Variants in ARHGAP10 observed in about 807,000 individuals in gnomAD.
The protein encoded by ARHGAP10 is Rho GTPase activating protein 10, also known as rho GTPase-activating protein 10.
In ARHGAP10, 87 loss-of-function variants were observed where a neutral mutation model predicts 108.6. The ratio of observed to expected loss-of-function variants is 0.80; its 90% CI spans 0.67 to 0.96. The LOEUF (loss-of-function observed/expected upper bound fraction) is 0.96. ARHGAP10 is among the 40% of genes least tolerant of loss of function. The pLI, the probability that ARHGAP10 is intolerant of heterozygous loss-of-function variation, is 0.00. For synonymous variants in ARHGAP10, 347 were observed against 341.1 expected, an observed-to-expected ratio of 1.02 and a Z score of -0.19; for missense variants, 939 against 954.5, an observed-to-expected ratio of 0.98 and a Z score of 0.21.
Position 147,847,138 on chromosome 4 carries a change from T to A in ARHGAP10, c.313-13T>A. The A allele has an allele frequency of 6.2e-7, 1 of 1,607,728 alleles. No individual in the cohort carries two copies. The highest frequency in any genetic ancestry group is 8.5e-7 in the Non-Finnish European group (1 of 1,174,948). ...TAATGCTGTGCTCTTTTGTTATCAC[T>A]CTTGTTCTCTAGGCATTAAGTGTAA... On this transcript the variant is annotated splice_polypyrimidine_tract_variant and intron_variant, in intron 3 of 22. Transcript: ENST00000336498.
intron 13 of ARHGAP10, among the ~76,000 whole-genome samples, chr4:147,926,670 A>G (rs1270002737): frequency 2.0e-5 from 3 of 152,204 alleles, no homozygotes; most frequent in Admixed American, 2.0e-4. Context: ...AAAAGGACAG[A>G]ATCTTTGTGA....
At chr4:147,853,707 C>T (rs186088882) in intron 4 of ARHGAP10, among the ~76,000 whole-genome samples, 5 of 151,924 alleles carry the variant, frequency 3.3e-5, no homozygotes, top group Admixed American at 2.6e-4. Context: ...AATCCTCCCC[C>T]CTTTGCTGTG....
At chr4:147,946,487 T>C in intron 14 of ARHGAP10, 130 bp from the exon 15 acceptor site, 2 of 643,988 alleles carry the variant, frequency 3.1e-6, no homozygotes, top group Non-Finnish European at 5.2e-6. Flanking sequence ...AAATCATATA[T>C]ATAATGTTTT....
chr4:147,858,942 T>C (rs1329860373), intron 5 of ARHGAP10, among the ~76,000 whole-genome samples: 1 of 152,192 alleles, frequency 6.6e-6, no homozygotes, highest in Non-Finnish European at 1.5e-5. Context: ...CATCAGTATG[T>C]CATCTTTAGT....
chr4:147,732,180 G>C lies in ARHGAP10; in HGVS notation c.-122G>C, dbSNP rs1435953298. ...CATGTCCGTGCCGCGCTCGCCGCGC[G>C]CCCGGGCCTGCTAGCTCCTCTGTGC... On this transcript the variant is annotated 5_prime_UTR_variant, in exon 1 of 23. Transcript: ENST00000336498. 9 of 1,000,250 alleles carry C rather than the reference G, an allele frequency of 9.0e-6. No individual in the cohort carries two copies. Among genetic ancestry groups the C allele is most frequent in the Non-Finnish European group, 8.0e-6 (6 of 751,844 alleles). 62.0% of individuals were successfully genotyped at this position (1,000,250 alleles called of 1,614,324 possible).
chr4:148,023,299 C>T lies in ARHGAP10; in HGVS notation c.1753C>T (p.Pro585Ser), dbSNP rs1045086260. ...GCCGCCCGATACTACATTCCCTGAG[C>T]CCACCTGCCTGTCAGCATCACCCCC... ...RTPPDTTFPE[P>S]TCLSASPPNA... The change falls in exon 19 of 23, where the codon CCC (proline) becomes TCC (serine). Residue 585 changes from proline (P) to serine (S), a missense_variant. Coordinates refer to ENST00000336498, the MANE Select transcript of ARHGAP10 (RefSeq NM_024605.4). 46 of 1,614,014 alleles carry T rather than the reference C, an allele frequency of 2.9e-5. No homozygotes were observed. Among genetic ancestry groups the T allele is most frequent in the Non-Finnish European group, 3.9e-5 (46 of 1,179,998 alleles).
At chr4:147,918,480 A>G (rs1737086259) in intron 13 of ARHGAP10, among the ~76,000 whole-genome samples, 2 of 152,230 alleles carry the variant, frequency 1.3e-5, no homozygotes, top group African/African-American at 2.4e-5. Context: ...GTGTAAACCC[A>G]TATCGAAAAA....
intron 18 of ARHGAP10, among the ~76,000 whole-genome samples, chr4:147,979,150 T>G (rs1390173576): frequency 6.6e-6 from 1 of 152,198 alleles, no homozygotes; most frequent in African/African-American, 2.4e-5. Context: ...GAAGAGTATT[T>G]CCTAGGTTTT....
At chr4:148,001,771 G>A (rs1187849617) in intron 18 of ARHGAP10, among the ~76,000 whole-genome samples, 5 of 152,212 alleles carry the variant, frequency 3.3e-5, no homozygotes, top group Non-Finnish European at 5.9e-5. Context: ...TTTGTATCCT[G>A]AGACTTTGCT....
At chr4:147,831,661 G>A (rs975210616) in intron 3 of ARHGAP10, among the ~76,000 whole-genome samples, 5 of 152,138 alleles carry the variant, frequency 3.3e-5, no homozygotes, top group Non-Finnish European at 7.4e-5. Context: ...TTTACAATTG[G>A]ACAGCATTGC....
intron 1 of ARHGAP10, among the ~76,000 whole-genome samples, chr4:147,785,192 T>C (rs908305927): frequency 1.3e-5 from 2 of 151,446 alleles, no homozygotes; most frequent in African/African-American, 4.8e-5. Context: ...AGTTTTTGAA[T>C]GTTCAGGCAT....
At chr4:147,920,702 C>T (rs1425172521) in intron 13 of ARHGAP10, among the ~76,000 whole-genome samples, 1 of 152,108 alleles carries the variant, frequency 6.6e-6, no homozygotes, top group African/African-American at 2.4e-5. Context: ...TGAAGTGTAC[C>T]AGATGATCAA....
At chr4:147,819,346 C>T (rs989412314) in intron 1 of ARHGAP10, among the ~76,000 whole-genome samples, 15 of 151,882 alleles carry the variant, frequency 9.9e-5, no homozygotes, top group African/African-American at 2.9e-4. Context: ...CAAACATGTT[C>T]GTATATATTA....
intron 15 of ARHGAP10, among the ~76,000 whole-genome samples, chr4:147,954,187 AT>A (rs1738708582): frequency 6.6e-6 from 1 of 152,074 alleles, no homozygotes; most frequent in South Asian, 2.1e-4. Context: ...GTGGAGTGTC[AT>A]TTAGGTGAAG....
intron 3 of ARHGAP10, among the ~76,000 whole-genome samples, chr4:147,846,883 G>A (rs1030232120): frequency 6.6e-6 from 1 of 152,178 alleles, no homozygotes; most frequent in Non-Finnish European, 1.5e-5. Flanking sequence ...ACAGACAGCC[G>A]TCTTGCTGTT....
intron 13 of ARHGAP10, among the ~76,000 whole-genome samples, chr4:147,917,883 T>A (rs141392121): frequency 1.3e-5 from 2 of 152,288 alleles, no homozygotes; most frequent in African/African-American, 4.8e-5. Context: ...TTCAAAATGA[T>A]GAATAAGATG....
chr4:148,018,184 A>G (rs1376035453), intron 18 of ARHGAP10, among the ~76,000 whole-genome samples: 1 of 152,178 alleles, frequency 6.6e-6, no homozygotes, highest in Non-Finnish European at 1.5e-5. Context: ...AAAGTTTTGA[A>G]TAGATGTAAT....
In ARHGAP10 at chr4:147,760,576, A is replaced by G. The variant is rs1469393595; in HGVS notation, c.154+28121A>G. Among the ~76,000 whole-genome samples the G allele has an allele frequency of 2.6e-5, 4 of 152,192 alleles. No individual in the cohort carries two copies. The South Asian group carries it at 6.2e-4, about 24-fold the overall frequency. On this transcript the variant is annotated intron_variant, in intron 1 of 22. Transcript: ENST00000336498. ...ACATAAAGGGTTTGTCTGTCCCCCAAGTCCATACCTGGTGTTCTGATGGAC... is the reference window on the plus strand; with the variant it reads ...ACATAAAGGGTTTGTCTGTCCCCCAGGTCCATACCTGGTGTTCTGATGGAC...
intron 19 of ARHGAP10, among the ~76,000 whole-genome samples, chr4:148,028,496 C>A (rs1369783128): frequency 1.3e-5 from 2 of 152,146 alleles, no homozygotes; most frequent in Non-Finnish European, 2.9e-5. Context: ...TGAGAAGGTT[C>A]AGTTGTTAAT....
Sources: gnomAD v4.1 joint callset for allele counts (sites outside exome capture counted in the v4.1 genomes callset) on GRCh38, gnomAD v4.1.1 for gene constraint, MANE v1.5 for transcripts, NCBI Gene and HGNC (gene_info 2026-07-23, HGNC 2026-07-21) for gene names.